SPTY2D1: variants seen among roughly 807,000 people sequenced by gnomAD.
The protein encoded by SPTY2D1 is SPT2 chromatin protein domain containing 1.
Under a neutral mutation model 64.0 loss-of-function variants are expected in SPTY2D1, and 21 were observed. The observed-to-expected ratio is 0.33, with a 90% CI of 0.23 to 0.47. The LOEUF (loss-of-function observed/expected upper bound fraction) is 0.47, where lower values mean the gene tolerates loss of function less well. Among genes scored for constraint, SPTY2D1 ranks in the 20% least tolerant of loss-of-function variants. The pLI is 1.00. For missense variants in SPTY2D1, 724 were observed against 837.2 expected (o/e 0.86, Z 1.67); for synonymous variants, 287 against 286.8 (o/e 1.00, Z -0.01).
chr11:18,624,955 C>T (rs1170227247), intron 1 of SPTY2D1, among the ~76,000 whole-genome samples: 3 of 152,100 alleles, frequency 2.0e-5, no homozygotes, highest in Non-Finnish European at 2.9e-5. Flanking sequence ...GCCAAGATCG[C>T]GCCATTGCAC....
rs1003922932 is a variant in SPTY2D1, at chr11:18,610,437, G to A, written c.1965-483C>T. On this transcript the variant is annotated intron_variant, in intron 5 of 5. Transcript: ENST00000336349. ...AGCACTTTAGGAAGCCGAGCCAGGC[G>A]GATCACCTGAGGTCAGGAGTTTGAG... Among the ~76,000 whole-genome samples, 5 of 152,038 alleles carry A rather than the reference G, an allele frequency of 3.3e-5. No homozygotes were observed. In the East Asian group the frequency reaches 5.8e-4, roughly 18 times the overall value.
chr11:18,628,555 A>G (rs1397450059), intron 1 of SPTY2D1, among the ~76,000 whole-genome samples: 2 of 152,230 alleles, frequency 1.3e-5, no homozygotes, highest in African/African-American at 4.8e-5. Context: ...AGGCAGAAGA[A>G]CTATCTGGCA....
In SPTY2D1 at chr11:18,614,847, C is replaced by T. The variant is rs761546274; in HGVS notation, c.1427G>A (p.Arg476Gln). 22 of 1,613,662 alleles carry T rather than the reference C, an allele frequency of 1.4e-5. No homozygotes were observed. The highest frequency in any genetic ancestry group is 2.2e-5 in the East Asian group (1 of 44,866). ...GGGGCCCAAGCCACTCACTGGTCGTCGAAGTTCATGTGGACTGCTCACAGG... is the reference window on the plus strand; with the variant it reads ...GGGGCCCAAGCCACTCACTGGTCGTTGAAGTTCATGTGGACTGCTCACAGG... ...GRPVSSPHEL[R>Q]RPVSGLGPPG... Residue 476 changes from arginine (R) to glutamine (Q), a missense_variant, in exon 3 of 6, where the codon CGA becomes CAA. Arg to Gln is a conservative substitution (Grantham distance 43). This residue lies in a region of SPTY2D1 where 426 missense variants were observed against 431.8 expected (regional missense o/e 0.99). Transcript: ENST00000336349.
rs541773110 is a variant in SPTY2D1 at position 18,615,385 on chromosome 11, G to C, written c.889C>G (p.Gln297Glu). The C allele has an allele frequency of 7.4e-6, 12 of 1,614,194 alleles. No individual in the cohort carries two copies. The Admixed American group carries it at 1.0e-4, about 13-fold the overall frequency. Residue 297 changes from glutamine to glutamate, a missense_variant, in exon 3 of 6, where the codon CAA becomes GAA. By Grantham distance (29) the Gln-to-Glu change is conservative (BLOSUM62 2). Around this residue, in one of 3 missense-constraint regions of SPTY2D1, gnomAD observed 426 missense variants for 431.8 expected, o/e 0.99. Coordinates refer to ENST00000336349, the MANE Select transcript of SPTY2D1 (RefSeq NM_194285.3). ...RIKAGSGNSS[Q>E]PSLREGHDKP... ...TCGTGGCCCTCACGAAGTGAGGGTTGGGAGCTATTGCCAGATCCTGCCTTG... is the reference window on the plus strand; with the variant it reads ...TCGTGGCCCTCACGAAGTGAGGGTTCGGAGCTATTGCCAGATCCTGCCTTG...
At position 18,611,496 on chromosome 11, in the gene SPTY2D1, G is replaced by C; in HGVS notation, c.1945C>G (p.Gln649Glu). Reference protein sequence around the residue: ...RYMESSWKEQQKEEAKSLRLG... With the variant: ...RYMESSWKEQEKEEAKSLRLG... ...GCTTACCTCTTTGCTTCTTCCTTCT[G>C]CTGCTCTTTCCAACTACTTTCCATG... is the stretch of plus-strand genomic sequence containing the variant. Residue 649 changes from glutamine (Q) to glutamate (E), a missense_variant, in exon 5 of 6, where the codon CAG (glutamine) becomes GAG (glutamate). Transcript: ENST00000336349. 1.2e-6 allele frequency: 2 copies of C among 1,613,976 alleles called. No individual in the cohort carries two copies. Among genetic ancestry groups the C allele is most frequent in the Non-Finnish European group, 1.7e-6 (2 of 1,179,980 alleles).
chr11:18,622,954 A>C (rs1345566734), intron 1 of SPTY2D1, among the ~76,000 whole-genome samples: 1 of 149,220 alleles, frequency 6.7e-6, no homozygotes, highest in African/African-American at 2.5e-5. Context: ...CTCTGTCTCA[A>C]AACAACAACA....
intron 5 of SPTY2D1, chr11:18,610,203 TAG>T (rs1854177810): frequency 2.6e-6 from 1 of 391,258 alleles, no homozygotes; most frequent in Non-Finnish European, 4.5e-6. Flanking sequence ...TAATAAAATA[TAG>T]GTTTATCTCA....
At chr11:18,613,202 T>C (rs1211903371) in intron 3 of SPTY2D1, among the ~76,000 whole-genome samples, 2 of 152,246 alleles carry the variant, frequency 1.3e-5, no homozygotes, top group Admixed American at 6.5e-5. Flanking sequence ...GAATGAAGTA[T>C]GAATGACTCT....
rs1323947392 is a variant in SPTY2D1, at chr11:18,615,562, C to T, written c.712G>A (p.Val238Met). Residue 238 changes from valine (V) to methionine (M), a missense_variant, in exon 3 of 6, where the codon GTG becomes ATG. Physicochemically the swap from Val to Met is conservative, Grantham distance 21. Coordinates refer to ENST00000336349, the MANE Select transcript of SPTY2D1 (RefSeq NM_194285.3). ...GAACCTTTGCTAAGTTTTGTGCCCA[C>T]ACTTTCTTTCTGAGAGGGTGCCTTT... ...SKKAPSQKES[V>M]GTKLSKGSGD... is the part of the protein sequence containing the mutation. 6 of 1,614,210 alleles carry T rather than the reference C, an allele frequency of 3.7e-6. No homozygotes were observed. The highest frequency in any genetic ancestry group is 2.2e-5 in the East Asian group (1 of 44,890).
intron 2 of SPTY2D1, 77 bp from the exon 3 acceptor site, chr11:18,616,175 T>A (rs1854297781): frequency 1.5e-6 from 2 of 1,332,232 alleles, no homozygotes; most frequent in South Asian, 1.5e-5. Flanking sequence ...AAACACAACG[T>A]TCAGGTTACA....
At position 18,616,760 on chromosome 11, in the gene SPTY2D1, CA is replaced by C. The variant is rs771298772; in HGVS notation, c.175+114del. 6.9e-4 allele frequency: 600 copies of C among 868,876 alleles called. 1 individual carries two copies. Among genetic ancestry groups the C allele is most frequent in the East Asian group, 4.3e-3 (167 of 38,586 alleles). The allele number at this position is 868,876 out of a possible 1,614,324, so 53.8% of individuals were successfully genotyped here. A position where few individuals can be genotyped will look rare whatever the true frequency, so the allele number is the denominator to read the frequency against. The stretch of plus-strand genomic sequence containing the variant: ...ACACACACACACACACACACACACA[CA>C]CCCTCCCAAATCTGTTGGCCTGTTA... On this transcript the variant is annotated intron_variant, in intron 2 of 5. Transcript: ENST00000336349.
chr11:18,616,354 CAAGTT>C (rs1854300131), intron 2 of SPTY2D1, among the ~76,000 whole-genome samples: 1 of 152,070 alleles, frequency 6.6e-6, no homozygotes, highest in East Asian at 1.9e-4. Flanking sequence ...AATACATTAC[CAAGTT>C]AAGAGAACAT....
Position 18,614,856 on chromosome 11 carries a change from T to C in SPTY2D1, c.1418A>G (p.His473Arg), listed in dbSNP as rs769103300. ...RGPGRPVSSP[H>R]ELRRPVSGLG... ...GCCACTCACTGGTCGTCGAAGTTCA[T>C]GTGGACTGCTCACAGGCCGGCCAGG... Residue 473 changes from histidine to arginine, a missense_variant, in exon 3 of 6, where the codon CAT becomes CGT. Transcript: ENST00000336349. 1.9e-5 allele frequency: 31 copies of C among 1,613,722 alleles called. No homozygotes were observed. The highest frequency in any genetic ancestry group is 2.7e-5 in the African/African-American group (2 of 74,944).
chr11:18,611,440 G>T, intron 5 of SPTY2D1, 37 bp downstream of exon 5: 1 of 1,587,174 alleles, frequency 6.3e-7, no homozygotes, highest in Non-Finnish European at 8.6e-7. Flanking sequence ...GAATTTTTAG[G>T]ACATTTTTGC....
At position 18,611,547 on chromosome 11, in the gene SPTY2D1, C is replaced by T. The variant is rs1323191905; in HGVS notation, c.1894G>A (p.Asp632Asn). 6.2e-7 allele frequency: 1 copy of T among 1,613,356 alleles called. No individual in the cohort carries two copies. The highest frequency in any genetic ancestry group is 1.3e-5 in the African/African-American group (1 of 74,930). Residue 632 changes from aspartate (D) to asparagine (N), a missense_variant, in exon 5 of 6, where the codon GAT (aspartate) becomes AAT (asparagine). Around this residue, in one of 3 missense-constraint regions of SPTY2D1, gnomAD observed 119 missense variants for 172.9 expected, o/e 0.69. Transcript: ENST00000336349. ...IFGYDRKKYK[D>N]ESDYALRYME... ...TAACGTAAGGCATAATCACTTTCAT[C>T]TTTGTATCTGATAAAAGGAAATCAA... is the stretch of plus-strand genomic sequence containing the variant.
At chr11:18,625,373 T>C (rs575397041) in intron 1 of SPTY2D1, among the ~76,000 whole-genome samples, 18 of 152,334 alleles carry the variant, frequency 1.2e-4, no homozygotes, top group African/African-American at 4.3e-4. Flanking sequence ...AAAACATACC[T>C]GATTATAAAA....
chr11:18,616,219 CAT>C (rs1353828986), intron 2 of SPTY2D1, 121 bp from the exon 3 acceptor site: 10 of 882,776 alleles, frequency 1.1e-5, no homozygotes, highest in Non-Finnish European at 1.7e-5. Flanking sequence ...ATGAGGAAGT[CAT>C]GTGAACAAGT....
intron 3 of SPTY2D1, among the ~76,000 whole-genome samples, chr11:18,613,565 C>A (rs1409661050): frequency 6.6e-6 from 1 of 152,162 alleles, no homozygotes; most frequent in Non-Finnish European, 1.5e-5. Context: ...CATCCCCCAT[C>A]CCCAGTTGTG....
chr11:18,621,158 G>A (rs142419499), intron 1 of SPTY2D1, among the ~76,000 whole-genome samples: 231 of 151,672 alleles, frequency 1.5e-3, no homozygotes, highest in African/African-American at 5.1e-3. Context: ...TTAGCCAGGC[G>A]TGGTGGTGGG....
Sources: gnomAD v4.1 joint callset for allele counts (sites outside exome capture counted in the v4.1 genomes callset) on GRCh38, gnomAD v4.1.1 for gene constraint, gnomAD v4.1.1 regional missense constraint, MANE v1.5 for transcripts, NCBI Gene and HGNC (gene_info 2026-07-23, HGNC 2026-07-21) for gene names.